Variants in BBS9 observed in about 807,000 individuals in gnomAD.
The protein encoded by BBS9 is protein PTHB1.
BBS9 carries 89 observed loss-of-function variants against 117.7 expected under a neutral mutation model. The ratio of observed to expected loss-of-function variants is 0.76; its 90% CI spans 0.64 to 0.90. The LOEUF (loss-of-function observed/expected upper bound fraction) is 0.90, where lower values mean the gene tolerates loss of function less well. Among genes scored for constraint, BBS9 ranks in the 40% least tolerant of loss-of-function variants. The pLI, the probability that BBS9 is intolerant of heterozygous loss-of-function variation, is 0.00. For synonymous variants in BBS9, 379 were observed against 370.9 expected (o/e 1.02, Z -0.25); for missense variants, 982 against 1,042.2 (o/e 0.94, Z 0.80).
At chr7:33,269,085 A>G (rs1334105557) in intron 7 of BBS9, among the ~76,000 whole-genome samples, 2 of 152,222 alleles carry the variant, frequency 1.3e-5, no homozygotes, top group Admixed American at 6.5e-5. Flanking sequence ...TCTCCCTTCT[A>G]CAGATTGATC....
chr7:33,448,057 TC>T (rs1390886643), intron 19 of BBS9, among the ~76,000 whole-genome samples: 1 of 152,188 alleles, frequency 6.6e-6, no homozygotes, highest in African/African-American at 2.4e-5. Flanking sequence ...GTGGATGTGT[TC>T]CGCAGTTCTG....
intron 19 of BBS9, among the ~76,000 whole-genome samples, chr7:33,406,020 G>A (rs367695756): frequency 0.011 from 1,740 of 152,070 alleles, 41 homozygotes; most frequent in African/African-American, 0.04. Flanking sequence ...CTTTGAATGC[G>A]TCCCAGAGAT....
At chr7:33,240,099 T>G (rs1413151958) in intron 5 of BBS9, among the ~76,000 whole-genome samples, 1 of 152,186 alleles carries the variant, frequency 6.6e-6, no homozygotes, top group Non-Finnish European at 1.5e-5. Flanking sequence ...AATATTCTTT[T>G]CTCATATGCT....
intron 9 of BBS9, among the ~76,000 whole-genome samples, chr7:33,275,060 G>A (rs1800510565): frequency 6.6e-6 from 1 of 150,436 alleles, no homozygotes; most frequent in Admixed American, 6.6e-5. Context: ...TTTCTCATCA[G>A]GATGGAGTTG....
intron 5 of BBS9, among the ~76,000 whole-genome samples, chr7:33,236,046 G>T (rs1793414097): frequency 6.6e-6 from 1 of 152,014 alleles, no homozygotes; most frequent in South Asian, 2.1e-4. Context: ...GAGAATACAA[G>T]GTCGGGCATG....
intron 20 of BBS9, among the ~76,000 whole-genome samples, chr7:33,518,923 G>C (rs1170771985): frequency 1.3e-5 from 2 of 151,904 alleles, no homozygotes; most frequent in African/African-American, 4.8e-5. Flanking sequence ...CTCCAGACTT[G>C]ATTTCTATTT....
chr7:33,453,765 C>G (rs970730247), intron 19 of BBS9, among the ~76,000 whole-genome samples: 18 of 152,192 alleles, frequency 1.2e-4, no homozygotes, highest in African/African-American at 4.3e-4. Context: ...GGTGATCTGC[C>G]TGCCTCGGCC....
intron 5 of BBS9, among the ~76,000 whole-genome samples, chr7:33,182,854 T>G (rs1481564137): frequency 6.6e-6 from 1 of 152,074 alleles, no homozygotes; most frequent in East Asian, 1.9e-4. Context: ...GCGAAACAGA[T>G]CCCCCAAAAT....
intron 21 of BBS9, among the ~76,000 whole-genome samples, chr7:33,623,196 G>T (rs1273824579): frequency 6.6e-6 from 1 of 152,082 alleles, no homozygotes; most frequent in African/African-American, 2.4e-5. Context: ...ACCTCCAGCA[G>T]TTTGATAAGA....
chr7:33,178,459 G>A (rs755023651), intron 5 of BBS9, among the ~76,000 whole-genome samples: 1 of 152,138 alleles, frequency 6.6e-6, no homozygotes, highest in Non-Finnish European at 1.5e-5. Flanking sequence ...CACTCTTGCT[G>A]TTGGCATGGG....
intron 9 of BBS9, among the ~76,000 whole-genome samples, chr7:33,312,622 C>T (rs1220033705): frequency 6.6e-6 from 1 of 152,086 alleles, no homozygotes; most frequent in Non-Finnish European, 1.5e-5. Context: ...ATAATTTTTC[C>T]ATTTCAAGCC....
intron 9 of BBS9, among the ~76,000 whole-genome samples, chr7:33,315,416 T>A (rs1391076688): frequency 6.6e-6 from 1 of 152,190 alleles, no homozygotes; most frequent in African/African-American, 2.4e-5. Context: ...CTTGTCTTAA[T>A]TCGGAATGAT....
At chr7:33,461,972 G>A (rs1197682666) in intron 19 of BBS9, among the ~76,000 whole-genome samples, 2 of 151,946 alleles carry the variant, frequency 1.3e-5, no homozygotes, top group African/African-American at 2.4e-5. Context: ...CTAAGTGCTG[G>A]TGAAGCTAAT....
chr7:33,574,696 C>CACACACAT (rs1314124726), intron 21 of BBS9, among the ~76,000 whole-genome samples: 124 of 138,856 alleles, frequency 8.9e-4, no homozygotes, highest in African/African-American at 3.2e-3. Context: ...CACACACACA[C>CACACACAT]ACACACACAC....
intron 21 of BBS9, among the ~76,000 whole-genome samples, chr7:33,588,543 A>G (rs1052346229): frequency 2.0e-5 from 3 of 152,154 alleles, no homozygotes; most frequent in Admixed American, 1.3e-4. Flanking sequence ...GATCCCTGCC[A>G]TTTTGGAACT....
chr7:33,406,448 G>A (rs533822841), intron 19 of BBS9, among the ~76,000 whole-genome samples: 2 of 143,722 alleles, frequency 1.4e-5, no homozygotes, highest in African/African-American at 5.0e-5. Flanking sequence ...AAAGTTAATA[G>A]TGTTATGTGT....
At chr7:33,347,434 G>T (rs1212299338) in intron 12 of BBS9, among the ~76,000 whole-genome samples, 1 of 151,866 alleles carries the variant, frequency 6.6e-6, no homozygotes, top group Admixed American at 6.6e-5. Flanking sequence ...TTACTAAAAA[G>T]GTATTATGTT....
At chr7:33,139,422 A>G (rs1010448755) in intron 1 of BBS9, among the ~76,000 whole-genome samples, 1 of 150,682 alleles carries the variant, frequency 6.6e-6, no homozygotes. Flanking sequence ...AGATCATAAT[A>G]TTGGAGGATT....
In BBS9 at chr7:33,352,861, C is replaced by G; in HGVS notation, c.1540C>G (p.Arg514Gly). The G allele has an allele frequency of 1.2e-6, 2 of 1,612,300 alleles. No individual in the cohort carries two copies. Among genetic ancestry groups the G allele is most frequent in the Non-Finnish European group, 1.7e-6 (2 of 1,178,692 alleles). ...TTTGCATTGCCTGTGATGGACAGAT[C>G]GAAATCCTGATGGTAAGTGTAAAGA... ...AVVSYSRPTDRNPDGIPRVIQ... is the reference protein window; with the variant it reads ...AVVSYSRPTDGNPDGIPRVIQ... Residue 514 changes from arginine to glycine, a missense_variant and splice_region_variant, in exon 15 of 23, where the codon CGA becomes GGA. By Grantham distance (125) the Arg-to-Gly change is moderately radical. Transcript: ENST00000242067.
Sources: gnomAD v4.1 joint callset for allele counts (sites outside exome capture counted in the v4.1 genomes callset) on GRCh38, gnomAD v4.1.1 for gene constraint, MANE v1.5 for transcripts, NCBI Gene and HGNC (gene_info 2026-07-23, HGNC 2026-07-21) for gene names.